The following VWA5A variants were observed in gnomAD, a reference collection of about 807,000 sequenced individuals.
VWA5A encodes the protein von Willebrand factor A domain-containing protein 5A.
In VWA5A, 77 loss-of-function variants were observed where a neutral mutation model predicts 84.6. That is an observed-to-expected ratio of 0.91 (90% confidence interval 0.76 to 1.10). The LOEUF is 1.10. VWA5A is among the 50% of genes least tolerant of loss of function. The pLI is 0.00. For missense variants in VWA5A, 973 were observed against 963.0 expected (o/e 1.01, Z -0.14); for synonymous variants, 334 against 350.1 (o/e 0.95, Z 0.51).
At chr11:124,118,892 G>A in intron 6 of VWA5A, 83 bp from the exon 7 acceptor site, 1 of 1,412,480 alleles carries the variant, frequency 7.1e-7, no homozygotes, top group Non-Finnish European at 9.8e-7. Context: ...CTGTCTTATG[G>A]AGGAGGACTG....
Position 124,146,428 on chromosome 11 carries a change from A to G in VWA5A, c.*483A>G, listed in dbSNP as rs184054585. On this transcript the variant is annotated 3_prime_UTR_variant, in exon 19 of 19. Coordinates refer to ENST00000456829, the MANE Select transcript of VWA5A (RefSeq NM_001130142.2). Reference sequence around the variant, plus strand: ...AAGTTGAAAGCCAACATCTGGATCAATGTAATGTCAAGATCACAAAGACAG... The same window carrying G: ...AAGTTGAAAGCCAACATCTGGATCAGTGTAATGTCAAGATCACAAAGACAG... 6.5e-6 allele frequency: 1 copy of G among 154,408 alleles called. No individual in the cohort carries two copies. Among genetic ancestry groups the G allele is most frequent in the African/African-American group, 2.4e-5 (1 of 41,594 alleles). The allele number at this position is 154,408 out of a possible 1,614,324, so 9.6% of individuals were successfully genotyped here. A position where few individuals can be genotyped will look rare whatever the true frequency, so the allele number is the denominator to read the frequency against.
intron 16 of VWA5A, 33 bp downstream of exon 16, chr11:124,141,774 A>G: frequency 6.2e-7 from 1 of 1,608,904 alleles, no homozygotes; most frequent in Non-Finnish European, 8.5e-7. Flanking sequence ...TTTCTCAACA[A>G]TGTTTTTCTG....
chr11:124,125,283 GTTT>G (rs60887785), intron 11 of VWA5A, among the ~76,000 whole-genome samples: 1 of 143,978 alleles, frequency 6.9e-6, no homozygotes, highest in Non-Finnish European at 1.5e-5. Context: ...GTGTCTTATG[GTTT>G]TTTTTTTTTT....
intron 12 of VWA5A, among the ~76,000 whole-genome samples, chr11:124,135,585 C>T (rs1865165801): frequency 8.1e-6 from 1 of 123,720 alleles, no homozygotes. Context: ...GGCTGGAGTG[C>T]AGTGGCGGGA....
Position 124,118,832 on chromosome 11 carries a change from A to G in VWA5A, c.645+124A>G, listed in dbSNP as rs1864884919. ...TCCCACATGCTCCTTGCATATCGTC[A>G]TTTAATCTCCAGAGCCTTCTCTCCA... On this transcript the variant is annotated intron_variant, in intron 6 of 18. Coordinates refer to ENST00000456829, the MANE Select transcript of VWA5A (RefSeq NM_001130142.2). 8.8e-6 allele frequency: 12 copies of G among 1,365,872 alleles called. No homozygotes were observed. The South Asian group carries it at 1.1e-4, about 12-fold the overall frequency. The allele number at this position is 1,365,872 out of a possible 1,614,324, so 84.6% of individuals were successfully genotyped here.
intron 17 of VWA5A, among the ~76,000 whole-genome samples, 174 bp downstream of exon 17, chr11:124,142,746 A>G (rs575512080): frequency 6.6e-6 from 1 of 152,312 alleles, no homozygotes; most frequent in South Asian, 2.1e-4. Flanking sequence ...CAGAAAGATC[A>G]AGGGATTAAT....
chr11:124,122,010 A>G (rs1278740114), intron 7 of VWA5A, among the ~76,000 whole-genome samples: 2 of 152,180 alleles, frequency 1.3e-5, no homozygotes, highest in African/African-American at 4.8e-5. Flanking sequence ...GATGGGCAAC[A>G]CCCATCTTAT....
intron 8 of VWA5A, 46 bp downstream of exon 8, chr11:124,123,175 G>A (rs1864959305): frequency 1.9e-6 from 3 of 1,587,546 alleles, no homozygotes; most frequent in Non-Finnish European, 1.7e-6. Flanking sequence ...CTCAAGTGAG[G>A]ATGAATCTGA....
At chr11:124,135,531 T>TTC (rs1250143055) in intron 12 of VWA5A, among the ~76,000 whole-genome samples, 12 of 138,692 alleles carry the variant, frequency 8.7e-5, no homozygotes, top group African/African-American at 3.2e-4. Flanking sequence ...TCTTTTTTTT[T>TTC]TTTTTTTTTT....
At chr11:124,118,110 C>T (rs546513913) in intron 4 of VWA5A, 79 bp from the exon 5 acceptor site, 249 of 1,472,954 alleles carry the variant, frequency 1.7e-4, no homozygotes, top group Non-Finnish European at 2.1e-4. Flanking sequence ...CACAGTCGCT[C>T]TGCACTGCTC....
At position 124,124,218 on chromosome 11, in the gene VWA5A, A is replaced by G. The variant is rs765843874; in HGVS notation, c.1165-19A>G. ...AGAACTTGACAAAGACCTGATGAAC[A>G]TTTTCTTTCTTTGTATAGCTTTTTG... is the stretch of plus-strand genomic sequence containing the variant. On this transcript the variant is annotated intron_variant, in intron 10 of 18. Coordinates refer to ENST00000456829, the MANE Select transcript of VWA5A (RefSeq NM_001130142.2). The G allele has an allele frequency of 2.5e-6, 4 of 1,610,110 alleles. No individual in the cohort carries two copies. The highest frequency in any genetic ancestry group is 1.7e-5 in the Admixed American group (1 of 59,666).
intron 11 of VWA5A, among the ~76,000 whole-genome samples, chr11:124,134,529 A>G (rs1418519213): frequency 6.6e-6 from 1 of 152,212 alleles, no homozygotes; most frequent in Non-Finnish European, 1.5e-5. Context: ...CCAGCACATC[A>G]TTAGGTAGGA....
rs779864493 is a variant in VWA5A, at chr11:124,123,018, T to C, written c.819T>C (p.Asp273=). ...MVSFYPNIPE[D]QPSNTCGEFI... is the part of the protein sequence containing the mutation. ...GTTTCTATCCAAATATCCCAGAAGA[T>C]CAACCATCAAATACCTGTGGAGAGT... is the stretch of plus-strand genomic sequence containing the variant. The change falls in exon 8 of 19, where the codon GAT becomes GAC. Residue 273 remains aspartate (D), a synonymous_variant. Transcript: ENST00000456829. 1.2e-6 allele frequency: 2 copies of C among 1,614,208 alleles called. No individual in the cohort carries two copies. Among genetic ancestry groups the C allele is most frequent in the Non-Finnish European group, 1.7e-6 (2 of 1,180,040 alleles).
intron 11 of VWA5A, among the ~76,000 whole-genome samples, chr11:124,133,154 G>A (rs1352242766): frequency 6.6e-6 from 1 of 152,086 alleles, no homozygotes; most frequent in Admixed American, 6.5e-5. Flanking sequence ...CTGAATGGTC[G>A]CTGGATAGAC....
At chr11:124,125,858 A>G (rs1865011682) in intron 11 of VWA5A, among the ~76,000 whole-genome samples, 1 of 152,210 alleles carries the variant, frequency 6.6e-6, no homozygotes, top group Admixed American at 6.5e-5. Flanking sequence ...ATTTTAATGT[A>G]GTTTGATATT....
chr11:124,131,091 A>G (rs920395895), intron 11 of VWA5A, among the ~76,000 whole-genome samples: 2 of 151,990 alleles, frequency 1.3e-5, no homozygotes, highest in African/African-American at 4.8e-5. Flanking sequence ...CTTATCCATC[A>G]GGTATACCTT....
intron 16 of VWA5A, 89 bp downstream of exon 16, chr11:124,141,830 A>G (rs1056080287): frequency 1.5e-4 from 219 of 1,481,720 alleles, no homozygotes; most frequent in Non-Finnish European, 2.0e-4. Context: ...AGTTACAGCT[A>G]TGACAAGAGA....
At chr11:124,136,465 C>T (rs1457675777) in intron 13 of VWA5A, 109 bp from the exon 14 acceptor site, 1 of 1,412,190 alleles carries the variant, frequency 7.1e-7, no homozygotes, top group Admixed American at 1.9e-5. Flanking sequence ...CCTGATTCTT[C>T]ATCAGATATT....
Position 124,118,583 on chromosome 11 carries a change from G to A in VWA5A, c.520G>A (p.Glu174Lys). ...TGTGAAGACTCCTATAGTCCCTGTGGAGGACCTGCCCTACACACTCAGCAT... is the reference window on the plus strand; with the variant it reads ...TGTGAAGACTCCTATAGTCCCTGTGAAGGACCTGCCCTACACACTCAGCAT... ...LNVKTPIVPV[E>K]DLPYTLSMVA... The change falls in exon 6 of 19, where the codon GAG becomes AAG. Residue 174 changes from glutamate (E) to lysine (K), a missense_variant. By Grantham distance (56) the Glu-to-Lys change is moderately conservative. Coordinates refer to ENST00000456829, the MANE Select transcript of VWA5A (RefSeq NM_001130142.2). 1.2e-6 allele frequency: 2 copies of A among 1,614,158 alleles called. No homozygotes were observed.
Sources: gnomAD v4.1 joint callset for allele counts (sites outside exome capture counted in the v4.1 genomes callset) on GRCh38, gnomAD v4.1.1 for gene constraint, MANE v1.5 for transcripts, NCBI Gene and HGNC (gene_info 2026-07-23, HGNC 2026-07-21) for gene names.